CCDC192: variants seen among roughly 807,000 people sequenced by gnomAD.
CCDC192 encodes the protein coiled-coil domain-containing protein 192.
At chr5:127,869,298 T>TG (rs1360508115) in intron 5 of CCDC192, among the ~76,000 whole-genome samples, 1 of 152,224 alleles carries the variant, frequency 6.6e-6, no homozygotes, top group East Asian at 1.9e-4. Context: ...CGTTCCACCC[T>TG]GGGCAATAAG....
At chr5:127,932,560 C>T (rs1754066958) in intron 6 of CCDC192, among the ~76,000 whole-genome samples, 1 of 152,126 alleles carries the variant, frequency 6.6e-6, no homozygotes, top group African/African-American at 2.4e-5. Context: ...AAAAAATACT[C>T]CTGGGGAGGG....
intron 2 of CCDC192, among the ~76,000 whole-genome samples, chr5:127,751,415 TTTTC>T (rs1754163159): frequency 6.6e-6 from 1 of 152,120 alleles, no homozygotes; most frequent in Non-Finnish European, 1.5e-5. Flanking sequence ...TTGAAAATTC[TTTTC>T]TTTAAGAATG....
chr5:127,906,801 C>G (rs1158941577), intron 6 of CCDC192, among the ~76,000 whole-genome samples: 1 of 151,928 alleles, frequency 6.6e-6, no homozygotes, highest in Non-Finnish European at 1.5e-5. Flanking sequence ...AAAACCCCAA[C>G]AAAAACAAAT....
At chr5:127,814,151 A>T (rs10070959) in intron 5 of CCDC192, among the ~76,000 whole-genome samples, 3,234 of 152,208 alleles carry the variant, frequency 0.021, 123 homozygotes, top group African/African-American at 0.075. Flanking sequence ...CTGCTTCAGG[A>T]GTAGGGGAGA....
At chr5:127,785,692 G>T in intron 3 of CCDC192, 1 of 182,904 alleles carries the variant, frequency 5.5e-6, no homozygotes. Context: ...CTATGTACTT[G>T]AAGACAACCA....
intron 5 of CCDC192, among the ~76,000 whole-genome samples, chr5:127,861,231 C>T (rs1477785241): frequency 1.3e-5 from 2 of 151,860 alleles, no homozygotes; most frequent in African/African-American, 2.4e-5. Flanking sequence ...TGGTTTTGAA[C>T]TCCTGACCTC....
At chr5:127,907,778 T>C (rs1056608652) in intron 6 of CCDC192, among the ~76,000 whole-genome samples, 3 of 152,218 alleles carry the variant, frequency 2.0e-5, no homozygotes, top group Admixed American at 2.0e-4. Flanking sequence ...ATCAAAAATC[T>C]TTGGTATGCT....
intron 3 of CCDC192, among the ~76,000 whole-genome samples, chr5:127,792,397 C>T (rs1756914116): frequency 6.6e-6 from 1 of 151,984 alleles, no homozygotes; most frequent in Non-Finnish European, 1.5e-5. Context: ...ATGAAAACAG[C>T]AGTGTAGGGG....
At chr5:127,785,737 A>G in intron 3 of CCDC192, 1 of 223,194 alleles carries the variant, frequency 4.5e-6, no homozygotes, top group South Asian at 8.0e-5. Flanking sequence ...GTTCTGCCTC[A>G]TCTGTGTTCT....
intron 2 of CCDC192, among the ~76,000 whole-genome samples, chr5:127,740,488 G>C (rs1319110224): frequency 6.6e-6 from 1 of 152,078 alleles, no homozygotes; most frequent in African/African-American, 2.4e-5. Context: ...GTAATAAAAG[G>C]GTTTCTCATG....
intron 3 of CCDC192, among the ~76,000 whole-genome samples, chr5:127,796,183 A>G (rs1484967138): frequency 2.0e-5 from 3 of 152,190 alleles, no homozygotes; most frequent in Admixed American, 2.0e-4. Context: ...TAATGTGCTT[A>G]TTTCCTTGGC....
At chr5:127,702,238 G>A (rs1032338952), upstream of CCDC192, among the ~76,000 whole-genome samples, 1 of 151,780 alleles carries the variant, frequency 6.6e-6, no homozygotes, top group African/African-American at 2.4e-5. Flanking sequence ...GACTACAGGC[G>A]CCCACCACCA....
At chr5:127,721,462 A>G (rs892153399) in intron 2 of CCDC192, among the ~76,000 whole-genome samples, 2 of 152,182 alleles carry the variant, frequency 1.3e-5, no homozygotes, top group African/African-American at 4.8e-5. Flanking sequence ...TTCATTGTCT[A>G]TATCACTATC....
intron 3 of CCDC192, among the ~76,000 whole-genome samples, chr5:127,782,165 T>A (rs1756264848): frequency 6.6e-6 from 1 of 152,190 alleles, no homozygotes; most frequent in Admixed American, 6.5e-5. Flanking sequence ...TGGTATGAAA[T>A]CCACTTGATC....
chr5:127,741,644 T>G (rs1753426908), intron 2 of CCDC192, among the ~76,000 whole-genome samples: 1 of 152,214 alleles, frequency 6.6e-6, no homozygotes, highest in East Asian at 1.9e-4. Flanking sequence ...ACAGAACAGA[T>G]TCTGTAACAT....
intron 5 of CCDC192, among the ~76,000 whole-genome samples, chr5:127,816,428 T>A (rs1451479010): frequency 6.6e-6 from 1 of 152,188 alleles, no homozygotes; most frequent in Non-Finnish European, 1.5e-5. Flanking sequence ...ATCAGTCATG[T>A]TCTTGTTTTA....
chr5:127,703,321 A>G, upstream of CCDC192: 2 of 397,194 alleles, frequency 5.0e-6, no homozygotes. Flanking sequence ...TGTCTTTTCC[A>G]CATCCATTGT....
At chr5:127,863,789 A>G (rs1007770897) in intron 5 of CCDC192, among the ~76,000 whole-genome samples, 6 of 152,250 alleles carry the variant, frequency 3.9e-5, no homozygotes, top group Admixed American at 1.3e-4. Flanking sequence ...AGTAACTGAC[A>G]TTGTTAGTTT....
intron 6 of CCDC192, among the ~76,000 whole-genome samples, chr5:127,928,677 C>G (rs990911521): frequency 6.6e-6 from 1 of 152,240 alleles, no homozygotes; most frequent in African/African-American, 2.4e-5. Flanking sequence ...CTAAAGTACT[C>G]TTCCAAGCTT....
Sources: gnomAD v4.1 joint callset for allele counts (sites outside exome capture counted in the v4.1 genomes callset) on GRCh38, gnomAD v4.1.1 for gene constraint, MANE v1.5 for transcripts, NCBI Gene and HGNC (gene_info 2026-07-23, HGNC 2026-07-21) for gene names.